The following MACROD2 variants were observed in gnomAD, a reference collection of about 807,000 sequenced individuals.
The protein encoded by MACROD2 is mono-ADP ribosylhydrolase 2, also known as ADP-ribose glycohydrolase MACROD2.
MACROD2 carries 36 observed loss-of-function variants against 70.4 expected under a neutral mutation model. The ratio of observed to expected loss-of-function variants is 0.51; its 90% CI spans 0.39 to 0.68. The LOEUF is 0.68. Among genes scored for constraint, MACROD2 ranks in the 30% least tolerant of loss-of-function variants. The pLI, the probability that MACROD2 is intolerant of heterozygous loss-of-function variation, is 0.00. For missense variants in MACROD2, 496 were observed against 538.4 expected (o/e 0.92, Z 0.78); for synonymous variants, 172 against 178.8 (o/e 0.96, Z 0.30).
At chr20:14,010,294 G>A (rs2052883679) in intron 2 of MACROD2, among the ~76,000 whole-genome samples, 1 of 152,170 alleles carries the variant, frequency 6.6e-6, no homozygotes, top group African/African-American at 2.4e-5. Context: ...AGTGGAAGTG[G>A]GTCATCACAA....
chr20:14,321,314 A>G (rs1465084824), intron 3 of MACROD2, among the ~76,000 whole-genome samples: 2 of 152,174 alleles, frequency 1.3e-5, no homozygotes, highest in East Asian at 3.9e-4. Context: ...GCAGTGAGCC[A>G]AGATTGTGCC....
intron 5 of MACROD2, among the ~76,000 whole-genome samples, chr20:14,807,417 T>C (rs866709013): frequency 6.6e-6 from 1 of 151,996 alleles, no homozygotes; most frequent in Middle Eastern, 3.4e-3. Context: ...AGGATGACCA[T>C]GCAAAAACTC....
chr20:14,882,793 T>TA (rs946940552), intron 5 of MACROD2, among the ~76,000 whole-genome samples: 2 of 131,536 alleles, frequency 1.5e-5, no homozygotes, highest in African/African-American at 2.9e-5. Flanking sequence ...CCATTTTTTT[T>TA]AAAAATAAAG....
At position 15,695,408 on chromosome 20, in the gene MACROD2, C is replaced by CTT. The variant is rs200041559; in HGVS notation, c.646-167336_646-167335dup. Among the ~76,000 whole-genome samples the CTT allele has an allele frequency of 9.5e-4, 133 of 140,126 alleles. 2 individuals are homozygous for CTT. In the East Asian group the frequency reaches 0.019, roughly 20 times the overall value. 91.9% of individuals were successfully genotyped at this position (140,126 alleles called of 152,430 possible). ...TTGATTTCTTTCTTTTTTTCTTCTT[C>CTT]TTCTTTTTTTTTTTTTGGAGACAGA... On this transcript the variant is annotated intron_variant, in intron 8 of 17. Transcript: ENST00000684519.
chr20:15,221,475 C>T (rs147689842), intron 5 of MACROD2, among the ~76,000 whole-genome samples: 1 of 152,256 alleles, frequency 6.6e-6, no homozygotes, highest in East Asian at 1.9e-4. Flanking sequence ...ATGCAGATGC[C>T]CCCAATACCC....
chr20:15,220,659 C>T (rs2076851838), intron 5 of MACROD2, among the ~76,000 whole-genome samples: 1 of 152,224 alleles, frequency 6.6e-6, no homozygotes, highest in African/African-American at 2.4e-5. Context: ...TGAATTCAAA[C>T]TCTGTTCATA....
intron 8 of MACROD2, among the ~76,000 whole-genome samples, chr20:15,733,030 T>C (rs1032935272): frequency 3.9e-5 from 6 of 152,214 alleles, no homozygotes; most frequent in Admixed American, 1.3e-4. Context: ...ATCTATTTCT[T>C]CTTGTGTGAA....
chr20:14,929,808 G>A (rs2074275907), intron 5 of MACROD2, among the ~76,000 whole-genome samples: 1 of 152,074 alleles, frequency 6.6e-6, no homozygotes, highest in Non-Finnish European at 1.5e-5. Flanking sequence ...AATTCCAAGA[G>A]TTTCAGAAGC....
At chr20:14,075,982 A>T (rs146527256) in intron 2 of MACROD2, among the ~76,000 whole-genome samples, 8 of 152,222 alleles carry the variant, frequency 5.3e-5, no homozygotes, top group Admixed American at 5.2e-4. Context: ...TCTTCTCTAT[A>T]AATATTATTA....
At chr20:14,014,667 A>G (rs997099148) in intron 2 of MACROD2, among the ~76,000 whole-genome samples, 3 of 152,064 alleles carry the variant, frequency 2.0e-5, no homozygotes, top group African/African-American at 7.2e-5. Flanking sequence ...CTGCAGATAT[A>G]TCTGTTCTTC....
chr20:14,957,025 G>C lies in MACROD2; in HGVS notation c.418+272066G>C, dbSNP rs1252922227. Among the ~76,000 whole-genome samples the C allele has an allele frequency of 3.3e-5, 5 of 151,904 alleles. No individual in the cohort carries two copies. In the South Asian group the frequency reaches 1.0e-3, roughly 32 times the overall value. On this transcript the variant is annotated intron_variant, in intron 5 of 17. Coordinates refer to ENST00000684519, the MANE Select transcript of MACROD2 (RefSeq NM_001351661.2). Reference sequence around the variant, plus strand: ...TGTTACTTTATTTGTACTTATCTTTGACAATAAGCAATAATACTCATAAAT... The same window carrying C: ...TGTTACTTTATTTGTACTTATCTTTCACAATAAGCAATAATACTCATAAAT...
chr20:16,039,440 A>G (rs1056842931), intron 15 of MACROD2, among the ~76,000 whole-genome samples: 5 of 151,886 alleles, frequency 3.3e-5, no homozygotes, highest in Admixed American at 2.0e-4. Flanking sequence ...AAGGCCTTAT[A>G]TATTAAAGAT....
At position 15,975,167 on chromosome 20, in the gene MACROD2, A is replaced by G. The variant is rs1368274596; in HGVS notation, c.985+7537A>G. On this transcript the variant is annotated intron_variant, in intron 13 of 17. Transcript: ENST00000684519. ...TGAAGAGATGCCCTATCTCTTTATT[A>G]TATAAATAAATGCAAATAAAATAGT... is the stretch of plus-strand genomic sequence containing the variant. 2.0e-5 allele frequency among the ~76,000 whole-genome samples: 3 copies of G among 152,144 alleles called. No individual in the cohort carries two copies. The East Asian group carries it at 5.8e-4, about 29-fold the overall frequency.
At chr20:14,927,434 C>T (rs1208847966) in intron 5 of MACROD2, among the ~76,000 whole-genome samples, 2 of 152,144 alleles carry the variant, frequency 1.3e-5, no homozygotes, top group Admixed American at 6.6e-5. Context: ...TTGTCACTTA[C>T]GACATTAAAG....
At chr20:15,116,559 C>T (rs896851093) in intron 5 of MACROD2, among the ~76,000 whole-genome samples, 4 of 152,244 alleles carry the variant, frequency 2.6e-5, no homozygotes, top group Middle Eastern at 3.4e-3. Flanking sequence ...ACAGGAGAAT[C>T]GCTTAAACCT....
intron 8 of MACROD2, among the ~76,000 whole-genome samples, chr20:15,556,873 T>C (rs550765056): frequency 3.9e-5 from 6 of 152,296 alleles, no homozygotes; most frequent in Non-Finnish European, 7.4e-5. Context: ...CAGTGTAAGA[T>C]TGATGTGTGT....
intron 6 of MACROD2, among the ~76,000 whole-genome samples, chr20:15,366,864 T>A (rs1279293272): frequency 2.0e-5 from 3 of 152,068 alleles, no homozygotes; most frequent in Non-Finnish European, 2.9e-5. Flanking sequence ...AGGTTTATTT[T>A]TGAATATAGC....
At chr20:14,686,697 T>TACCC in intron 5 of MACROD2, among the ~76,000 whole-genome samples, 1 of 152,188 alleles carries the variant, frequency 6.6e-6, no homozygotes, top group Non-Finnish European at 1.5e-5. Flanking sequence ...CCATCTCGGT[T>TACCC]TGTGTAAGTA....
chr20:14,359,647 G>A (rs2083203959), intron 3 of MACROD2, among the ~76,000 whole-genome samples: 1 of 152,144 alleles, frequency 6.6e-6, no homozygotes, highest in Non-Finnish European at 1.5e-5. Flanking sequence ...TCAAGGGGCA[G>A]GATTGCTTGA....
Sources: allele counts gnomAD v4.1 joint callset (sites outside exome capture counted in the v4.1 genomes callset), GRCh38; gene constraint gnomAD v4.1.1; transcripts MANE v1.5; gene names NCBI Gene and HGNC (gene_info 2026-07-23, HGNC 2026-07-21).